Variants in TBC1D4 observed in about 807,000 individuals in gnomAD.
TBC1D4 encodes TBC1 domain family member 4, also known as TBC (Tre-2, BUB2, CDC16) domain-containing protein.
In TBC1D4, 121 loss-of-function variants were observed where a neutral mutation model predicts 142.5. That is an observed-to-expected ratio of 0.85 (90% CI 0.73 to 0.99). The LOEUF is 0.99. Among genes scored for constraint, TBC1D4 ranks in the 50% least tolerant of loss-of-function variants. The pLI, the probability that TBC1D4 is intolerant of heterozygous loss-of-function variation, is 0.00. For missense variants in TBC1D4, 1,475 were observed against 1,606.6 expected (o/e 0.92, Z 1.40); for synonymous variants, 630 against 628.2 (o/e 1.00, Z -0.04).
intron 8 of TBC1D4, among the ~76,000 whole-genome samples, chr13:75,333,811 T>C (rs1879965237): frequency 6.6e-6 from 1 of 152,212 alleles, no homozygotes; most frequent in East Asian, 1.9e-4. Flanking sequence ...GGTCCTTCAG[T>C]CTGGAGTTAT....
intron 1 of TBC1D4, among the ~76,000 whole-genome samples, chr13:75,385,037 G>A (rs983339932): frequency 1.3e-5 from 2 of 152,120 alleles, no homozygotes; most frequent in African/African-American, 2.4e-5. Context: ...CTCAGAGAAG[G>A]AGGAACAAAG....
At position 75,356,224 on chromosome 13, in the gene TBC1D4, A is replaced by G. The variant is rs1376918864; in HGVS notation, c.1198T>C (p.Phe400Leu). ...GGCTCTGGAGACTCCCGGCAGATAA[A>G]GCCAAAGTGATCCACATGCTTTATA... ...QGIKHVDHFGFICRESPEPGL... is the reference protein window; with the variant it reads ...QGIKHVDHFGLICRESPEPGL... The change falls in exon 4 of 21, where the codon TTT becomes CTT. Residue 400 changes from phenylalanine (F) to leucine (L), a missense_variant. By Grantham distance (22) the Phe-to-Leu change is conservative. Around this residue, in one of 2 missense-constraint regions of TBC1D4, gnomAD observed 1,227 missense variants for 1,267.7 expected, o/e 0.97. Coordinates refer to ENST00000377636, the MANE Select transcript of TBC1D4 (RefSeq NM_014832.5). The G allele has an allele frequency of 6.2e-7, 1 of 1,613,590 alleles. No individual in the cohort carries two copies. Among genetic ancestry groups the G allele is most frequent in the African/African-American group, 1.3e-5 (1 of 74,926 alleles).
intron 1 of TBC1D4, among the ~76,000 whole-genome samples, chr13:75,405,444 T>C (rs1885294222): frequency 6.6e-6 from 1 of 152,022 alleles, no homozygotes; most frequent in African/African-American, 2.4e-5. Context: ...TAATTTCTTT[T>C]GTATTTTAGT....
At chr13:75,365,799 C>T (rs752818330) in intron 1 of TBC1D4, among the ~76,000 whole-genome samples, 1 of 152,080 alleles carries the variant, frequency 6.6e-6, no homozygotes, top group Non-Finnish European at 1.5e-5. Flanking sequence ...CCTGTGGCCA[C>T]TAGGAAAATG....
intron 1 of TBC1D4, among the ~76,000 whole-genome samples, chr13:75,403,571 C>T (rs1566464150): frequency 6.6e-6 from 1 of 152,076 alleles, no homozygotes; most frequent in African/African-American, 2.4e-5. Flanking sequence ...CAAAATAAAG[C>T]AAATACAAAG....
intron 1 of TBC1D4, among the ~76,000 whole-genome samples, chr13:75,472,613 G>A (rs990415534): frequency 1.3e-5 from 2 of 151,908 alleles, no homozygotes; most frequent in South Asian, 2.1e-4. Flanking sequence ...AGGAAGGGGC[G>A]AGGACCATAA....
intron 1 of TBC1D4, among the ~76,000 whole-genome samples, chr13:75,402,992 G>A (rs1885173173): frequency 1.3e-5 from 2 of 152,166 alleles, no homozygotes; most frequent in South Asian, 4.1e-4. Flanking sequence ...GAGTTCCACA[G>A]TCCAGTTTCA....
intron 1 of TBC1D4, among the ~76,000 whole-genome samples, chr13:75,400,778 A>T (rs557160322): frequency 9.2e-5 from 14 of 152,202 alleles, no homozygotes; most frequent in African/African-American, 3.4e-4. Context: ...ATCCATGCTT[A>T]AAATCAGCAC....
intron 19 of TBC1D4, 118 bp from the exon 20 acceptor site, chr13:75,289,228 GC>G: frequency 8.6e-7 from 1 of 1,165,284 alleles, no homozygotes; most frequent in African/African-American, 1.6e-5. Context: ...GAACATTAAA[GC>G]ATAAAAAAGC....
chr13:75,303,383 T>C (rs1204035927), intron 15 of TBC1D4, among the ~76,000 whole-genome samples: 1 of 152,066 alleles, frequency 6.6e-6, no homozygotes, highest in Admixed American at 6.5e-5. Context: ...CAGAACAACA[T>C]TCGGGCTTTG....
At chr13:75,307,181 T>C (rs1384337848) in intron 14 of TBC1D4, among the ~76,000 whole-genome samples, 1 of 152,112 alleles carries the variant, frequency 6.6e-6, no homozygotes, top group Non-Finnish European at 1.5e-5. Context: ...AGGCTGGTCT[T>C]AAACTCCTGG....
In TBC1D4 at chr13:75,450,840, T is replaced by C. The variant is rs572128903; in HGVS notation, c.498+30430A>G. ...GGCCATTCTCCATTCTCAGTCCTCT[T>C]ATTAGCATAAACTATCTAGGGCCCA... On this transcript the variant is annotated intron_variant, in intron 1 of 20. Coordinates refer to ENST00000377636, the MANE Select transcript of TBC1D4 (RefSeq NM_014832.5). Among the ~76,000 whole-genome samples the C allele has an allele frequency of 6.6e-5, 10 of 152,310 alleles. No individual in the cohort carries two copies. In the East Asian group the frequency reaches 1.7e-3, roughly 26 times the overall value.
chr13:75,356,344 C>T (rs1882047001), intron 3 of TBC1D4, 93 bp from the exon 4 acceptor site: 1 of 904,070 alleles, frequency 1.1e-6, no homozygotes, highest in Non-Finnish European at 1.8e-6. Context: ...TTTGCTTTCA[C>T]AGTTCTACGA....
intron 1 of TBC1D4, among the ~76,000 whole-genome samples, chr13:75,460,294 C>CT (rs1192014973): frequency 2.0e-5 from 3 of 152,130 alleles, no homozygotes; most frequent in Non-Finnish European, 4.4e-5. Context: ...TACTCTGTAA[C>CT]TGCCTCAATA....
At chr13:75,409,903 A>G (rs2138390531) in intron 1 of TBC1D4, among the ~76,000 whole-genome samples, 1 of 152,316 alleles carries the variant, frequency 6.6e-6, no homozygotes, top group Admixed American at 6.5e-5. Context: ...CTCTGGAGGA[A>G]ATGAATTCGA....
chr13:75,386,322 T>A (rs570767575), intron 1 of TBC1D4, among the ~76,000 whole-genome samples: 1 of 152,158 alleles, frequency 6.6e-6, no homozygotes, highest in Non-Finnish European at 1.5e-5. Flanking sequence ...TTCACAGTTC[T>A]TATAAAAATG....
intron 1 of TBC1D4, among the ~76,000 whole-genome samples, chr13:75,392,503 A>G (rs1407767749): frequency 6.6e-6 from 1 of 152,134 alleles, no homozygotes; most frequent in Admixed American, 6.5e-5. Flanking sequence ...CCACTTTAAT[A>G]TCGCACTGTC....
At chr13:75,458,831 T>C (rs919704876) in intron 1 of TBC1D4, among the ~76,000 whole-genome samples, 2 of 152,096 alleles carry the variant, frequency 1.3e-5, no homozygotes, top group Admixed American at 6.5e-5. Flanking sequence ...GTCAAGCCAG[T>C]GGCTATGTGC....
rs765695310 is a variant in TBC1D4 at position 75,306,378 on chromosome 13, T to C, written c.2687A>G (p.Lys896Arg). The C allele has an allele frequency of 1.2e-6, 2 of 1,613,430 alleles. No individual in the cohort carries two copies. The highest frequency in any genetic ancestry group is 4.5e-5 in the East Asian group (2 of 44,776). Residue 896 changes from lysine to arginine, a missense_variant, in exon 15 of 21, where the codon AAG becomes AGG. Coordinates refer to ENST00000377636, the MANE Select transcript of TBC1D4 (RefSeq NM_014832.5). ...QKEVLITWDK[K>R]LLNCRAKIRC... The stretch of plus-strand genomic sequence containing the variant: ...GATTTTAGCTCTGCAGTTTAACAAC[T>C]TCTTATCCCAAGTTATTAAGACCTC...
Sources: gnomAD v4.1 joint callset for allele counts (sites outside exome capture counted in the v4.1 genomes callset) on GRCh38, gnomAD v4.1.1 for gene constraint, gnomAD v4.1.1 regional missense constraint, MANE v1.5 for transcripts, NCBI Gene and HGNC (gene_info 2026-07-23, HGNC 2026-07-21) for gene names.